The following SEMA6A variants were observed in gnomAD, a reference collection of about 807,000 sequenced individuals.
SEMA6A encodes semaphorin-6A.
Under a neutral mutation model 96.8 loss-of-function variants are expected in SEMA6A, and 25 were observed. That is an observed-to-expected ratio of 0.26 (90% CI 0.19 to 0.36). The LOEUF is 0.36. Ranked by LOEUF, SEMA6A falls within the 10% of genes least tolerant of loss-of-function variation. The pLI is 1.00. For synonymous variants in SEMA6A, 612 were observed against 518.0 expected, an observed-to-expected ratio of 1.18 and a Z score of -2.46; for missense variants, 1,363 against 1,323.1, an observed-to-expected ratio of 1.03 and a Z score of -0.47.
chr5:116,563,020 C>T (rs1472043947), intron 1 of SEMA6A: 4 of 500,682 alleles, frequency 8.0e-6, no homozygotes, highest in Admixed American at 4.8e-5. Flanking sequence ...GTGAACAAGA[C>T]AAGACTCCTC....
Position 116,447,188 on chromosome 5 carries a change from G to T in SEMA6A, c.2518C>A (p.Gln840Lys), listed in dbSNP as rs771360426. Reference protein sequence around the residue: ...VDQPKMSEVAQMALEDQAATL... With the variant: ...VDQPKMSEVAKMALEDQAATL... ...GCGGCCTGGTCCTCCAGCGCCATCT[G>T]GGCCACCTCGCTCATTTTGGGCTGG... is the stretch of plus-strand genomic sequence containing the variant. The change falls in exon 19 of 19, where the codon CAG becomes AAG. Residue 840 changes from glutamine (Q) to lysine (K), a missense_variant. Physicochemically the swap from Gln to Lys is moderately conservative, Grantham distance 53 (BLOSUM62 1). Transcript: ENST00000343348. The T allele has an allele frequency of 6.2e-7, 1 of 1,614,052 alleles. No homozygotes were observed. Among genetic ancestry groups the T allele is most frequent in the Non-Finnish European group, 8.5e-7 (1 of 1,179,900 alleles).
At chr5:116,567,948 T>C (rs1001587277) in intron 1 of SEMA6A, among the ~76,000 whole-genome samples, 1 of 152,244 alleles carries the variant, frequency 6.6e-6, no homozygotes, top group African/African-American at 2.4e-5. Flanking sequence ...CCTGATTTAA[T>C]GATAATGTTG....
At chr5:116,467,163 T>G (rs572342237) in intron 18 of SEMA6A, among the ~76,000 whole-genome samples, 1 of 152,182 alleles carries the variant, frequency 6.6e-6, no homozygotes, top group Non-Finnish European at 1.5e-5. Context: ...GTCCTGCTAT[T>G]TCTCAATTCA....
At chr5:116,480,770 G>A (rs1195432660) in intron 11 of SEMA6A, among the ~76,000 whole-genome samples, 1 of 151,986 alleles carries the variant, frequency 6.6e-6, no homozygotes, top group Non-Finnish European at 1.5e-5. Flanking sequence ...CATTACCTGG[G>A]GCTCGCTCAG....
chr5:116,474,052 T>C (rs180710325), intron 16 of SEMA6A, among the ~76,000 whole-genome samples: 47 of 152,288 alleles, frequency 3.1e-4, no homozygotes, highest in African/African-American at 1.1e-3. Context: ...GAGGCTTCCT[T>C]AGGTTCTTCT....
rs542832743 is a variant in SEMA6A at position 116,467,604 on chromosome 5, G to A, written c.1873C>T (p.His625Tyr). Reference protein sequence around the residue: ...STDPLGAVSSHNHQDKKGVIR... With the variant: ...STDPLGAVSSYNHQDKKGVIR... ...TTACCCTTCTTGTCTTGGTGATTAT[G>A]GGAAGACACTGCCCCCAAAGGGTCT... is the stretch of plus-strand genomic sequence containing the variant. The change falls in exon 18 of 19, where the codon CAT becomes TAT. Residue 625 changes from histidine to tyrosine, a missense_variant. His to Tyr is a moderately conservative substitution (Grantham distance 83). Coordinates refer to ENST00000343348, the MANE Select transcript of SEMA6A (RefSeq NM_020796.5). 2.5e-6 allele frequency: 4 copies of A among 1,613,100 alleles called. No individual in the cohort carries two copies. In the South Asian group the frequency reaches 4.4e-5, roughly 18 times the overall value.
chr5:116,449,172 C>T (rs538372537), intron 18 of SEMA6A: 6 of 573,116 alleles, frequency 1.0e-5, no homozygotes, highest in Middle Eastern at 5.7e-4. Flanking sequence ...GTGCTTGATG[C>T]AGTCGCTAAA....
At chr5:116,482,614 A>G (rs757186028) in intron 10 of SEMA6A, 39 bp from the exon 11 acceptor site, 15 of 1,605,152 alleles carry the variant, frequency 9.3e-6, no homozygotes, top group African/African-American at 2.7e-5. Context: ...TACTCATGCA[A>G]TGGTTATGCA....
chr5:116,474,942 G>C (rs1398877005), intron 16 of SEMA6A, among the ~76,000 whole-genome samples: 1 of 152,126 alleles, frequency 6.6e-6, no homozygotes, highest in Non-Finnish European at 1.5e-5. Flanking sequence ...TTTACGTAAA[G>C]TTCTAACTAA....
chr5:116,494,828 G>C (rs1419221884), intron 6 of SEMA6A, among the ~76,000 whole-genome samples: 2 of 152,168 alleles, frequency 1.3e-5, no homozygotes, highest in African/African-American at 2.4e-5. Flanking sequence ...GCCTGGCGAG[G>C]TCCCTGCTCC....
chr5:116,475,927 A>T (rs1756421498), intron 15 of SEMA6A, among the ~76,000 whole-genome samples: 2 of 152,218 alleles, frequency 1.3e-5, no homozygotes, highest in Admixed American at 1.3e-4. Flanking sequence ...ATGTTAAAAT[A>T]CACGCCTCAT....
chr5:116,496,293 T>C lies in SEMA6A; in HGVS notation c.300A>G (p.Arg100=). The C allele has an allele frequency of 6.2e-7, 1 of 1,613,772 alleles. No individual in the cohort carries two copies. Among genetic ancestry groups the C allele is most frequent in the Non-Finnish European group, 8.5e-7 (1 of 1,179,756 alleles). ...TTCTGCATGTGTCTACATCGGCCTG[T>C]CTAGATTTCCATGTCAGTTTCTGCA... ...YCSKKLTWKS[R]QADVDTCRMK... The change falls in exon 5 of 19, where the codon AGA becomes AGG. Residue 100 remains arginine, a synonymous_variant. Transcript: ENST00000343348.
rs778213472 is a variant in SEMA6A, at chr5:116,478,494, AATAGC to A, written c.1427+43_1427+47del. On this transcript the variant is annotated intron_variant, in intron 13 of 18. Coordinates refer to ENST00000343348, the MANE Select transcript of SEMA6A (RefSeq NM_020796.5). ...ATTTTCTCTGAATGAAAGGGGCCATAATAGCATAACAAATAATTACTAAGAAAGAA... is the reference window on the plus strand; with the variant it reads ...ATTTTCTCTGAATGAAAGGGGCCATAATAACAAATAATTACTAAGAAAGAA... 48 of 1,519,126 alleles carry A rather than the reference AATAGC, an allele frequency of 3.2e-5. No individual in the cohort carries two copies. In the East Asian group the frequency reaches 7.0e-4, roughly 22 times the overall value. The allele number at this position is 1,519,126 out of a possible 1,614,324, so 94.1% of individuals were successfully genotyped here. A position where few individuals can be genotyped will look rare whatever the true frequency, so the allele number is the denominator to read the frequency against.
intron 1 of SEMA6A, among the ~76,000 whole-genome samples, chr5:116,543,661 C>A (rs939333736): frequency 3.9e-5 from 6 of 152,212 alleles, no homozygotes; most frequent in Admixed American, 2.0e-4. Flanking sequence ...AGTTGCATGA[C>A]CCTTCAGGGC....
rs763846003 is a variant in SEMA6A, at chr5:116,447,132, A to G, written c.2574T>C (p.His858=). ...ATLEYKTIKE[H]LSSKSPNHGV... is the part of the protein sequence containing the mutation. ...CATGGTTGGGACTCTTGCTGCTGAG[A>G]TGTTCCTTGATGGTCTTATACTCCA... is the stretch of plus-strand genomic sequence containing the variant. The change falls in exon 19 of 19, where the codon CAT becomes CAC. Residue 858 remains histidine, a synonymous_variant. Transcript: ENST00000343348. 3 of 1,613,838 alleles carry G rather than the reference A, an allele frequency of 1.9e-6. No homozygotes were observed. Among genetic ancestry groups the G allele is most frequent in the African/African-American group, 2.7e-5 (2 of 75,012 alleles).
chr5:116,561,695 T>C (rs1180065024), intron 1 of SEMA6A, among the ~76,000 whole-genome samples: 1 of 152,264 alleles, frequency 6.6e-6, no homozygotes, highest in Non-Finnish European at 1.5e-5. Context: ...GAACTGGATG[T>C]AGCTGTTTTC....
At chr5:116,467,944 A>G in intron 17 of SEMA6A, 197 bp from the exon 18 acceptor site, 1 of 581,746 alleles carries the variant, frequency 1.7e-6, no homozygotes, top group South Asian at 2.2e-5. Flanking sequence ...AAGCCCATTG[A>G]ACTTGTAGTT....
chr5:116,487,071 T>A, intron 9 of SEMA6A, 105 bp from the exon 10 acceptor site: 1 of 730,462 alleles, frequency 1.4e-6, no homozygotes. Context: ...ACAAGGTGCT[T>A]AATACTGTTT....
At chr5:116,569,835 GAT>G (rs1761139560) in intron 1 of SEMA6A, among the ~76,000 whole-genome samples, 1 of 152,130 alleles carries the variant, frequency 6.6e-6, no homozygotes, top group South Asian at 2.1e-4. Flanking sequence ...GGGGGAGAAA[GAT>G]ACAGAATTAG....
Sources: gnomAD v4.1 joint callset for allele counts (sites outside exome capture counted in the v4.1 genomes callset) on GRCh38, gnomAD v4.1.1 for gene constraint, MANE v1.5 for transcripts, NCBI Gene and HGNC (gene_info 2026-07-23, HGNC 2026-07-21) for gene names.